NBEA: variants seen among roughly 807,000 people sequenced by gnomAD.
NBEA encodes the protein neurobeachin.
Under a neutral mutation model 343.4 loss-of-function variants are expected in NBEA, and 44 were observed. That is an observed-to-expected ratio of 0.13 (90% CI 0.10 to 0.16). The LOEUF (loss-of-function observed/expected upper bound fraction) is 0.16. NBEA is among the 10% of genes least tolerant of loss of function. NBEA has a pLI of 1.00. For synonymous variants in NBEA, 1,175 were observed against 1,238.7 expected, an observed-to-expected ratio of 0.95 and a Z score of 1.08; for missense variants, 2,555 against 3,631.3, an observed-to-expected ratio of 0.70 and a Z score of 7.62.
At chr13:35,146,325 T>C (rs2068420213) in intron 18 of NBEA, among the ~76,000 whole-genome samples, 15 of 152,166 alleles carry the variant, frequency 9.9e-5, no homozygotes, top group Admixed American at 9.8e-4. Context: ...AATGCAGTTA[T>C]TGGAAGATAA....
intron 10 of NBEA, among the ~76,000 whole-genome samples, chr13:35,085,116 A>G (rs2064671661): frequency 6.6e-6 from 1 of 152,158 alleles, no homozygotes. Flanking sequence ...AAAAAAGTCC[A>G]GGACCAGATG....
At chr13:35,472,156 T>C (rs1203605346) in intron 40 of NBEA, among the ~76,000 whole-genome samples, 5 of 152,204 alleles carry the variant, frequency 3.3e-5, no homozygotes, top group African/African-American at 1.2e-4. Flanking sequence ...TAGGTGGAAA[T>C]TGAGCGTTAT....
intron 48 of NBEA, among the ~76,000 whole-genome samples, chr13:35,626,354 A>G (rs548525645): frequency 3.3e-5 from 5 of 152,224 alleles, no homozygotes; most frequent in Non-Finnish European, 7.3e-5. Flanking sequence ...AAATTATTGA[A>G]AAGTCATCAT....
chr13:35,617,068 T>C (rs1326652964), intron 48 of NBEA, among the ~76,000 whole-genome samples: 1 of 152,246 alleles, frequency 6.6e-6, no homozygotes, highest in Non-Finnish European at 1.5e-5. Context: ...ACAACTAATA[T>C]ATGAAGGATA....
chr13:35,466,910 C>T (rs1360588984), intron 40 of NBEA, among the ~76,000 whole-genome samples: 3 of 152,076 alleles, frequency 2.0e-5, no homozygotes, highest in East Asian at 3.8e-4. Context: ...CCTTAAGATA[C>T]TTCAGTCACC....
chr13:35,375,343 C>T (rs2041678055), intron 38 of NBEA, among the ~76,000 whole-genome samples: 1 of 152,110 alleles, frequency 6.6e-6, no homozygotes, highest in African/African-American at 2.4e-5. Context: ...TCATCTCATA[C>T]ATCATATTCG....
intron 25 of NBEA, chr13:35,170,983 CT>C: frequency 2.2e-6 from 1 of 445,552 alleles, no homozygotes; most frequent in South Asian, 2.0e-5. Flanking sequence ...GTCTAAATAT[CT>C]TTGTGAAATG....
chr13:35,132,687 T>C (rs2067492309), intron 17 of NBEA, among the ~76,000 whole-genome samples: 1 of 152,138 alleles, frequency 6.6e-6, no homozygotes, highest in South Asian at 2.1e-4. Flanking sequence ...TTATATGAAA[T>C]GTCCAGAATG....
At chr13:34,943,711 C>T (rs933441285) in intron 1 of NBEA, among the ~76,000 whole-genome samples, 5 of 152,146 alleles carry the variant, frequency 3.3e-5, no homozygotes, top group Non-Finnish European at 7.3e-5. Flanking sequence ...CAGAAGCAGC[C>T]GTCCCTTCTT....
At chr13:35,620,518 T>A (rs543452983) in intron 48 of NBEA, among the ~76,000 whole-genome samples, 2 of 152,194 alleles carry the variant, frequency 1.3e-5, no homozygotes, top group Admixed American at 6.5e-5. Flanking sequence ...GACTGAGTAG[T>A]AGTGGGGGAG....
rs369066583 is a variant in NBEA, at chr13:35,349,253, A to G, written c.6012+37A>G. On this transcript the variant is annotated intron_variant, in intron 37 of 58. Coordinates refer to ENST00000379939, the MANE Select transcript of NBEA (RefSeq NM_001385012.1). ...GGAGTAGACTAAATTCTGCCTTTCTATTATAAGCCAAAAATCACCTATCTG... is the reference window on the plus strand; with the variant it reads ...GGAGTAGACTAAATTCTGCCTTTCTGTTATAAGCCAAAAATCACCTATCTG... The G allele has an allele frequency of 7.8e-6, 10 of 1,278,596 alleles. No homozygotes were observed. The East Asian group carries it at 9.6e-5, about 12-fold the overall frequency. 79.2% of individuals were successfully genotyped at this position (1,278,596 alleles called of 1,614,324 possible).
At chr13:35,436,173 C>T (rs892990221) in intron 39 of NBEA, among the ~76,000 whole-genome samples, 2 of 151,968 alleles carry the variant, frequency 1.3e-5, no homozygotes, top group Non-Finnish European at 2.9e-5. Context: ...AAAAAAATAG[C>T]CTGACGTCTG....
chr13:35,452,050 C>G (rs1171936433), intron 39 of NBEA, 42 bp from the exon 40 acceptor site: 1 of 1,449,470 alleles, frequency 6.9e-7, no homozygotes, highest in Non-Finnish European at 9.6e-7. Flanking sequence ...TAAGCAGAAA[C>G]AATCATAATA....
rs569707262 is a variant in NBEA, at chr13:35,417,585, A to G, written c.6180-14684A>G. Among the ~76,000 whole-genome samples, 448 of 152,250 alleles carry G rather than the reference A, an allele frequency of 2.9e-3. 2 individuals carry two copies. Among genetic ancestry groups the G allele is most frequent in the African/African-American group, 9.9e-3 (410 of 41,568 alleles). Reference sequence around the variant, plus strand: ...TACTCCTGAGTTCTAGTTTGATTGCACTGTGGTCTGAGAGATAGTTTGTTT... The same window carrying G: ...TACTCCTGAGTTCTAGTTTGATTGCGCTGTGGTCTGAGAGATAGTTTGTTT... On this transcript the variant is annotated intron_variant, in intron 38 of 58. Transcript: ENST00000379939.
intron 39 of NBEA, among the ~76,000 whole-genome samples, chr13:35,446,849 TA>T (rs1263948818): frequency 6.6e-6 from 1 of 152,012 alleles, no homozygotes; most frequent in African/African-American, 2.4e-5. Flanking sequence ...AACTTTTCAA[TA>T]AATGAAAACC....
At chr13:35,308,474 G>GTGTA (rs1334175674) in intron 35 of NBEA, among the ~76,000 whole-genome samples, 1 of 66,374 alleles carries the variant, frequency 1.5e-5, no homozygotes. Context: ...ATATATATAT[G>GTGTA]TATATATATA....
chr13:35,426,473 C>T (rs1338485120), intron 38 of NBEA, among the ~76,000 whole-genome samples: 2 of 152,054 alleles, frequency 1.3e-5, no homozygotes, highest in African/African-American at 4.8e-5. Context: ...TTGAATTGGC[C>T]CCCACTCTCT....
intron 55 of NBEA, among the ~76,000 whole-genome samples, chr13:35,662,838 A>G (rs2085166712): frequency 6.6e-6 from 1 of 152,170 alleles, no homozygotes. Flanking sequence ...TATTAGGGAA[A>G]GGTCCCAAAA....
intron 39 of NBEA, among the ~76,000 whole-genome samples, chr13:35,440,710 A>G (rs370587738): frequency 4.1e-4 from 62 of 152,282 alleles, no homozygotes; most frequent in African/African-American, 8.2e-4. Context: ...TCGTTAAACA[A>G]TTTTTATTTG....
Sources: gnomAD v4.1 joint callset for allele counts (sites outside exome capture counted in the v4.1 genomes callset) on GRCh38, gnomAD v4.1.1 for gene constraint, MANE v1.5 for transcripts, NCBI Gene and HGNC (gene_info 2026-07-23, HGNC 2026-07-21) for gene names.